HHIP: variants seen among roughly 807,000 people sequenced by gnomAD.
HHIP encodes the protein hedgehog interacting protein.
Under a neutral mutation model 74.0 loss-of-function variants are expected in HHIP, and 12 were observed. That is an observed-to-expected ratio of 0.16 (90% CI 0.10 to 0.26). HHIP has a LOEUF of 0.26. HHIP is among the 10% of genes least tolerant of loss of function. The pLI is 1.00. For synonymous variants in HHIP, 309 were observed against 311.6 expected (o/e 0.99, Z 0.09); for missense variants, 788 against 845.0 (o/e 0.93, Z 0.84).
chr4:144,733,629 A>G (rs1225347512), intron 11 of HHIP, among the ~76,000 whole-genome samples: 19 of 152,140 alleles, frequency 1.2e-4, no homozygotes, highest in Admixed American at 1.2e-3. Flanking sequence ...CCTTCTTTTT[A>G]TGGTACTTAA....
chr4:144,725,341 T>A (rs143822922), intron 11 of HHIP, among the ~76,000 whole-genome samples: 1 of 152,230 alleles, frequency 6.6e-6, no homozygotes, highest in Non-Finnish European at 1.5e-5. Flanking sequence ...AAATGAATGA[T>A]ATATGAACAT....
intron 4 of HHIP, among the ~76,000 whole-genome samples, chr4:144,669,965 C>A (rs934752994): frequency 1.5e-5 from 2 of 136,032 alleles, no homozygotes; most frequent in East Asian, 2.2e-4. Context: ...CATGGAAAAA[C>A]CCCGTCTCTA....
chr4:144,652,704 G>A lies in HHIP; in HGVS notation c.379G>A (p.Glu127Lys). Reference protein sequence around the residue: ...PHSQSLFHSPEREVLERDLVL... With the variant: ...PHSQSLFHSPKREVLERDLVL... The stretch of plus-strand genomic sequence containing the variant: ...TTCTCAAAGCCTGTTCCACTCACCT[G>A]AGAGAGAAGTCTTGGAAAGAGACCT... The change falls in exon 2 of 13, where the codon GAG becomes AAG. Residue 127 changes from glutamate to lysine, a missense_variant. Physicochemically the swap from Glu to Lys is moderately conservative, Grantham distance 56 (BLOSUM62 1). Transcript: ENST00000296575. The A allele has an allele frequency of 6.2e-7, 1 of 1,612,100 alleles. No individual in the cohort carries two copies. Among genetic ancestry groups the A allele is most frequent in the Non-Finnish European group, 8.5e-7 (1 of 1,178,328 alleles).
chr4:144,650,490 G>C (rs1038082513), intron 1 of HHIP: 1 of 152,050 alleles, frequency 6.6e-6, no homozygotes, highest in African/African-American at 2.4e-5. Flanking sequence ...ACCTATATAA[G>C]ACACAGACAC....
In HHIP at chr4:144,683,667, C is replaced by T. The variant is rs533111242; in HGVS notation, c.832-22864C>T. ...GCTTGACAATCTACGGATTGAATCTCGCCTGTAGCCTGTTTTTGTAAATAA... is the reference window on the plus strand; with the variant it reads ...GCTTGACAATCTACGGATTGAATCTTGCCTGTAGCCTGTTTTTGTAAATAA... On this transcript the variant is annotated intron_variant, in intron 4 of 12. Coordinates refer to ENST00000296575, the MANE Select transcript of HHIP (RefSeq NM_022475.3). Among the ~76,000 whole-genome samples the T allele has an allele frequency of 4.6e-5, 7 of 152,192 alleles. No homozygotes were observed. The South Asian group carries it at 6.2e-4, about 14-fold the overall frequency.
At position 144,739,088 on chromosome 4, in the gene HHIP, T is replaced by A. The variant is rs906724470; in HGVS notation, c.*1131T>A. 5 of 152,220 alleles carry A rather than the reference T, an allele frequency of 3.3e-5. 1 individual carries two copies. The highest frequency in any genetic ancestry group is 1.2e-4 in the African/African-American group (5 of 41,466). 9.4% of individuals were successfully genotyped at this position (152,220 alleles called of 1,614,324 possible). A position where few individuals can be genotyped will look rare whatever the true frequency, so the allele number is the denominator to read the frequency against. On this transcript the variant is annotated 3_prime_UTR_variant, in exon 13 of 13. Transcript: ENST00000296575. The stretch of plus-strand genomic sequence containing the variant: ...CTGTCACCTGTACAAATTTTTAACA[T>A]AATAATTCTTGCCAAATATGACTTT...
intron 4 of HHIP, among the ~76,000 whole-genome samples, chr4:144,687,425 G>T (rs1049841973): frequency 3.9e-5 from 6 of 152,130 alleles, no homozygotes; most frequent in Non-Finnish European, 7.4e-5. Context: ...ATACATTAAT[G>T]CATTAACTCT....
chr4:144,701,961 A>G (rs1056876653), intron 4 of HHIP, among the ~76,000 whole-genome samples: 1 of 152,160 alleles, frequency 6.6e-6, no homozygotes, highest in Non-Finnish European at 1.5e-5. Flanking sequence ...AAATGTCACA[A>G]TGAAAGATGT....
chr4:144,653,651 A>G (rs1728482783), intron 2 of HHIP, among the ~76,000 whole-genome samples: 1 of 152,204 alleles, frequency 6.6e-6, no homozygotes, highest in Admixed American at 6.5e-5. Context: ...ATTAAGCAGT[A>G]TTTAAGGAAA....
chr4:144,660,110 ATAAAG>A, intron 4 of HHIP: 1 of 520,922 alleles, frequency 1.9e-6, no homozygotes, highest in South Asian at 3.4e-5. Flanking sequence ...CTTTGGCTTT[ATAAAG>A]TATTGTTTAA....
At chr4:144,650,941 C>G (rs573306249) in intron 1 of HHIP, 4 of 152,026 alleles carry the variant, frequency 2.6e-5, no homozygotes, top group Admixed American at 2.6e-4. Flanking sequence ...AATGCATAAT[C>G]TCCATAAAAC....
At chr4:144,731,991 G>A (rs1237114914) in intron 11 of HHIP, among the ~76,000 whole-genome samples, 1 of 152,098 alleles carries the variant, frequency 6.6e-6, no homozygotes, top group Non-Finnish European at 1.5e-5. Flanking sequence ...TACTATTTAT[G>A]TCTTATCTCC....
chr4:144,647,264 T>G, intron 1 of HHIP: 1 of 299,458 alleles, frequency 3.3e-6, no homozygotes, highest in Non-Finnish European at 6.1e-6. Context: ...AACAGTGTGT[T>G]TTGGATCGAA....
chr4:144,708,815 T>C (rs1193990356), intron 7 of HHIP, among the ~76,000 whole-genome samples: 1 of 152,236 alleles, frequency 6.6e-6, no homozygotes, highest in African/African-American at 2.4e-5. Flanking sequence ...CTTGTTATCA[T>C]AGCTTCACTT....
chr4:144,673,275 G>A (rs901474395), intron 4 of HHIP, among the ~76,000 whole-genome samples: 3 of 152,154 alleles, frequency 2.0e-5, no homozygotes, highest in African/African-American at 7.2e-5. Context: ...TTAAACATAA[G>A]CATTTTTACA....
intron 4 of HHIP, among the ~76,000 whole-genome samples, chr4:144,672,110 A>G (rs2126608227): frequency 6.6e-6 from 1 of 152,348 alleles, no homozygotes; most frequent in East Asian, 1.9e-4. Flanking sequence ...GTTCAGTGTG[A>G]TCAGGCACTG....
chr4:144,685,177 T>A (rs1355682997), intron 4 of HHIP, among the ~76,000 whole-genome samples: 1 of 152,220 alleles, frequency 6.6e-6, no homozygotes. Context: ...GAAATTTTTA[T>A]CTAGAAGTGT....
chr4:144,709,008 C>T (rs1288926696), intron 7 of HHIP, among the ~76,000 whole-genome samples: 1 of 152,074 alleles, frequency 6.6e-6, no homozygotes, highest in Non-Finnish European at 1.5e-5. Context: ...TGTAAAAATG[C>T]TATGAAGTAT....
intron 5 of HHIP, 93 bp from the exon 6 acceptor site, chr4:144,706,994 A>T (rs1427312995): frequency 1.0e-6 from 1 of 979,640 alleles, no homozygotes; most frequent in African/African-American, 1.7e-5. Flanking sequence ...ATGTGCCAGG[A>T]GTTTGTTTTT....
Sources: allele counts gnomAD v4.1 joint callset (sites outside exome capture counted in the v4.1 genomes callset), GRCh38; gene constraint gnomAD v4.1.1; transcripts MANE v1.5; gene names NCBI Gene and HGNC (gene_info 2026-07-23, HGNC 2026-07-21).